The following SLC43A2 variants were observed in gnomAD, a reference collection of about 807,000 sequenced individuals.
The protein encoded by SLC43A2 is large neutral amino acids transporter small subunit 4.
Under a neutral mutation model 63.2 loss-of-function variants are expected in SLC43A2, and 38 were observed. The observed-to-expected ratio is 0.60, with a 90% CI of 0.46 to 0.79. The LOEUF (loss-of-function observed/expected upper bound fraction) is 0.79, where lower values mean the gene tolerates loss of function less well. Among genes scored for constraint, SLC43A2 ranks in the 30% least tolerant of loss-of-function variants. The probability of loss-of-function intolerance (pLI) is 0.00; values close to 1 mark genes in which losing one functional copy is unlikely to be tolerated. For synonymous variants in SLC43A2, 322 were observed against 331.0 expected (o/e 0.97, Z 0.30); for missense variants, 644 against 756.2 (o/e 0.85, Z 1.74).
Position 1,619,801 on chromosome 17 carries a change from G to A in SLC43A2, c.161-3032C>T, listed in dbSNP as rs78999734. Among the ~76,000 whole-genome samples, 71 of 152,384 alleles carry A rather than the reference G, an allele frequency of 4.7e-4. No individual in the cohort carries two copies. In the East Asian group the frequency reaches 0.013, roughly 29 times the overall value. On this transcript the variant is annotated intron_variant, in intron 2 of 13. Coordinates refer to ENST00000301335, the MANE Select transcript of SLC43A2 (RefSeq NM_152346.3). ...GCAGATAGGAGCAAACCAGCACAGA[G>A]GTGACAGAGAGGATGGATGGAGAGA...
intron 11 of SLC43A2, among the ~76,000 whole-genome samples, chr17:1,579,423 T>C (rs894769072): frequency 2.0e-5 from 3 of 150,576 alleles, no homozygotes; most frequent in Non-Finnish European, 4.4e-5. Context: ...ATAGCACCAC[T>C]GCACTCCAGC....
At chr17:1,599,888 C>CA (rs1221264132) in intron 5 of SLC43A2, among the ~76,000 whole-genome samples, 10 of 139,096 alleles carry the variant, frequency 7.2e-5, no homozygotes, top group Non-Finnish European at 1.4e-4. Context: ...ACTAAAAATA[C>CA]AAAAAATTAG....
At chr17:1,619,583 G>A (rs4790713) in intron 2 of SLC43A2, among the ~76,000 whole-genome samples, 23,004 of 152,240 alleles carry the variant, frequency 0.15, 2,538 homozygotes, top group East Asian at 0.4. Flanking sequence ...AGCTCAGAGC[G>A]GTCATGTACA....
Position 1,593,211 on chromosome 17 carries a change from C to T in SLC43A2, c.570G>A (p.Ser190=), listed in dbSNP as rs773552846. 1.5e-5 allele frequency: 24 copies of T among 1,613,996 alleles called. No homozygotes were observed. Among genetic ancestry groups the T allele is most frequent in the South Asian group, 7.7e-5 (7 of 91,032 alleles). ...CCTTGATTCCTGGAAAGGTGACTGC[C>T]GAGGAGGCGTAGGACCCAATCATCA... ...IALMIGSYAS[S]AVTFPGIKLI... is the part of the protein sequence containing the mutation. The change falls in exon 6 of 14, where the codon TCG becomes TCA. Residue 190 remains serine (S), a synonymous_variant. Transcript: ENST00000301335. This position sits in a 1 kb window ranked among gnomAD's most constrained non-coding sequence, Gnocchi z 5.3.
chr17:1,594,849 A>G (rs1905159903), intron 5 of SLC43A2, among the ~76,000 whole-genome samples: 1 of 151,520 alleles, frequency 6.6e-6, no homozygotes, highest in Non-Finnish European at 1.5e-5. Context: ...TGGCCTCCCA[A>G]AGTGCTGGGA....
chr17:1,610,769 TA>T (rs1907021221), intron 5 of SLC43A2, among the ~76,000 whole-genome samples: 1 of 150,194 alleles, frequency 6.7e-6, no homozygotes, highest in East Asian at 2.0e-4. Context: ...TTATAAAACA[TA>T]AAAAAAGACA....
At chr17:1,601,765 G>C (rs1435031874) in intron 5 of SLC43A2, among the ~76,000 whole-genome samples, 1 of 150,924 alleles carries the variant, frequency 6.6e-6, no homozygotes, top group African/African-American at 2.5e-5. Context: ...TATTGAGCCA[G>C]AGTCCTGCAC....
Position 1,593,069 on chromosome 17 carries a change from TG to T in SLC43A2, c.594+117del, listed in dbSNP as rs1377195113. On this transcript the variant is annotated intron_variant, in intron 6 of 13. Transcript: ENST00000301335. This position sits in a 1 kb window ranked among gnomAD's most constrained non-coding sequence, Gnocchi z 5.3. ...GATGCCCAGGTGCATCCTGCCCGGGTGGGGGTGGTGGAGAGGGGCCACCCCG... is the reference window on the plus strand; with the variant it reads ...GATGCCCAGGTGCATCCTGCCCGGGTGGGGTGGTGGAGAGGGGCCACCCCG... 18 of 885,968 alleles carry T rather than the reference TG, an allele frequency of 2.0e-5. No homozygotes were observed. Among genetic ancestry groups the T allele is most frequent in the African/African-American group, 1.2e-4 (7 of 60,192 alleles). 54.9% of individuals were successfully genotyped at this position (885,968 alleles called of 1,614,324 possible).
In SLC43A2 at chr17:1,583,411, C is replaced by A. The variant is rs2076051654; in HGVS notation, c.1218-75G>T. ...CGGGTGCTCCTGAGAAGTCAGGCCT[C>A]AAGCGTCGCAGCAGGTAAACTGACG... On this transcript the variant is annotated intron_variant, in intron 10 of 13. Coordinates refer to ENST00000301335, the MANE Select transcript of SLC43A2 (RefSeq NM_152346.3). This position sits in a 1 kb window ranked among gnomAD's most constrained non-coding sequence, Gnocchi z 5.5. 1 of 1,588,844 alleles carries A rather than the reference C, an allele frequency of 6.3e-7. No individual in the cohort carries two copies. The highest frequency in any genetic ancestry group is 1.1e-5 in the South Asian group (1 of 89,752).
chr17:1,604,874 C>CGTCCCCA (rs1906443694), intron 5 of SLC43A2: 1 of 1,535,490 alleles, frequency 6.5e-7, no homozygotes, highest in Admixed American at 2.0e-5. Context: ...TCGCTCACTC[C>CGTCCCCA]GTCCCCAGCT....
intron 5 of SLC43A2, among the ~76,000 whole-genome samples, chr17:1,596,198 T>C (rs977403166): frequency 6.6e-6 from 1 of 152,038 alleles, no homozygotes; most frequent in Non-Finnish European, 1.5e-5. Context: ...TGGACGCCTG[T>C]AATCCCAGCT....
chr17:1,587,730 A>G (rs910107567), intron 9 of SLC43A2, among the ~76,000 whole-genome samples: 2 of 152,054 alleles, frequency 1.3e-5, no homozygotes, highest in African/African-American at 4.8e-5. Flanking sequence ...ATGATGACGT[A>G]AACAGATGAT....
At chr17:1,627,253 G>C (rs1450601270) in intron 2 of SLC43A2, among the ~76,000 whole-genome samples, 1 of 152,166 alleles carries the variant, frequency 6.6e-6, no homozygotes, top group Non-Finnish European at 1.5e-5. Flanking sequence ...GGAACGTCTA[G>C]ATTCTAGATG....
intron 2 of SLC43A2, among the ~76,000 whole-genome samples, chr17:1,617,060 C>A (rs929861557): frequency 3.9e-5 from 6 of 152,236 alleles, no homozygotes; most frequent in African/African-American, 1.4e-4. Flanking sequence ...GTTTCAGGAG[C>A]TTTGTGTGTC....
intron 9 of SLC43A2, chr17:1,587,103 T>TGCGTTTCCCGCACG (rs2076115603): frequency 1.5e-6 from 1 of 673,702 alleles, no homozygotes; most frequent in Non-Finnish European, 2.3e-6. Context: ...TTTCCCGCAC[T>TGCGTTTCCCGCACG]GCATTTCCCA....
chr17:1,590,900 C>G lies in SLC43A2; in HGVS notation c.980G>C (p.Ser327Thr). ...HSVFSPILLL[S>T]LVTMCVTQLR... ...CTGCGTGACGCACATGGTGACCAGG[C>G]TGAGCAGCAGGATGGGGCTGAACAC... is the stretch of plus-strand genomic sequence containing the variant. The change falls in exon 9 of 14, where the codon AGC becomes ACC. Residue 327 changes from serine to threonine, a missense_variant. Ser to Thr is a moderately conservative substitution (Grantham distance 58). This residue lies in a region of SLC43A2 where 528 missense variants were observed against 623.6 expected (regional missense o/e 0.85). Transcript: ENST00000301335. 1.3e-6 allele frequency: 2 copies of G among 1,552,340 alleles called. No individual in the cohort carries two copies. Among genetic ancestry groups the G allele is most frequent in the Non-Finnish European group, 1.7e-6 (2 of 1,147,444 alleles).
chr17:1,610,461 G>A (rs966743593), intron 5 of SLC43A2, among the ~76,000 whole-genome samples: 8 of 142,574 alleles, frequency 5.6e-5, no homozygotes, highest in Non-Finnish European at 1.2e-4. Context: ...GAGAGACAAG[G>A]TGTCTCGCTA....
intron 11 of SLC43A2, among the ~76,000 whole-genome samples, chr17:1,582,877 G>A (rs530177865): frequency 2.0e-5 from 3 of 152,298 alleles, no homozygotes; most frequent in East Asian, 1.9e-4. Context: ...TCAGGAGTTC[G>A]AGACTAGCCT....
intron 12 of SLC43A2, 77 bp from the exon 13 acceptor site, chr17:1,576,797 C>T: frequency 6.5e-7 from 1 of 1,546,046 alleles, no homozygotes; most frequent in Non-Finnish European, 8.7e-7. Context: ...TGACCCCGGG[C>T]TGCACCGTTG....
Sources: gnomAD v4.1 joint callset for allele counts (sites outside exome capture counted in the v4.1 genomes callset) on GRCh38, gnomAD v4.1.1 for gene constraint, gnomAD v4.1.1 regional missense constraint, Gnocchi (gnomAD v3.1) non-coding constraint, MANE v1.5 for transcripts, NCBI Gene and HGNC (gene_info 2026-07-23, HGNC 2026-07-21) for gene names.